Variants in SLC35F1 observed in about 807,000 individuals in gnomAD.
SLC35F1 encodes chromosome 6 open reading frame 169.
In SLC35F1, 14 loss-of-function variants were observed where a neutral mutation model predicts 48.7. The ratio of observed to expected loss-of-function variants is 0.29; its 90% CI spans 0.19 to 0.45. The LOEUF (loss-of-function observed/expected upper bound fraction) is 0.45, where lower values mean the gene tolerates loss of function less well. Among genes scored for constraint, SLC35F1 ranks in the 20% least tolerant of loss-of-function variants. The pLI, the probability that SLC35F1 is intolerant of heterozygous loss-of-function variation, is 1.00. For missense variants in SLC35F1, 404 were observed against 500.0 expected (o/e 0.81, Z 1.83); for synonymous variants, 190 against 202.2 (o/e 0.94, Z 0.51).
At chr6:118,256,261 G>A (rs1224686817) in intron 3 of SLC35F1, among the ~76,000 whole-genome samples, 2 of 146,134 alleles carry the variant, frequency 1.4e-5, no homozygotes, top group Admixed American at 6.9e-5. Context: ...TGTGACTGAA[G>A]TTTGTCCTTT....
intron 3 of SLC35F1, among the ~76,000 whole-genome samples, chr6:118,245,007 C>T (rs988783002): frequency 3.9e-5 from 6 of 152,172 alleles, no homozygotes; most frequent in African/African-American, 1.4e-4. Context: ...GTATGGAACA[C>T]TAAACACCTT....
At chr6:118,052,146 T>C (rs562652211) in intron 1 of SLC35F1, among the ~76,000 whole-genome samples, 1 of 152,220 alleles carries the variant, frequency 6.6e-6, no homozygotes, top group African/African-American at 2.4e-5. Context: ...CAACTCCAGA[T>C]ATGATGGTCA....
chr6:117,996,106 T>C (rs1309448799), intron 1 of SLC35F1, among the ~76,000 whole-genome samples: 1 of 152,210 alleles, frequency 6.6e-6, no homozygotes, highest in African/African-American at 2.4e-5. Context: ...TAAATAATTG[T>C]CTATTTAATA....
chr6:118,191,118 G>C (rs929629585), intron 2 of SLC35F1, among the ~76,000 whole-genome samples: 2 of 152,134 alleles, frequency 1.3e-5, no homozygotes, highest in African/African-American at 2.4e-5. Context: ...AGGCCTCCTG[G>C]AAGTGTTCTC....
intron 2 of SLC35F1, among the ~76,000 whole-genome samples, chr6:118,176,870 G>A (rs992385661): frequency 6.9e-6 from 1 of 145,514 alleles, no homozygotes; most frequent in Non-Finnish European, 1.5e-5. Context: ...GTTTAAATTT[G>A]TGCTTGTTTT....
At chr6:117,984,082 A>C (rs894947745) in intron 1 of SLC35F1, among the ~76,000 whole-genome samples, 3 of 151,890 alleles carry the variant, frequency 2.0e-5, no homozygotes, top group Admixed American at 2.0e-4. Flanking sequence ...CTTTGAAAAA[A>C]CTCCTTATAT....
intron 1 of SLC35F1, among the ~76,000 whole-genome samples, chr6:117,954,199 A>G (rs1322733795): frequency 6.6e-6 from 1 of 152,234 alleles, no homozygotes; most frequent in African/African-American, 2.4e-5. Context: ...TTGAACAACC[A>G]TCAGTGTAAT....
intron 4 of SLC35F1, among the ~76,000 whole-genome samples, chr6:118,271,927 C>G (rs986535903): frequency 1.3e-5 from 2 of 152,042 alleles, no homozygotes; most frequent in Non-Finnish European, 2.9e-5. Context: ...CTCACAGTAA[C>G]CTAATTTTAA....
chr6:118,250,225 T>A (rs1470033636), intron 3 of SLC35F1, among the ~76,000 whole-genome samples: 20 of 152,180 alleles, frequency 1.3e-4, no homozygotes, highest in Admixed American at 1.3e-3. Context: ...CCTGTTTAAT[T>A]TTTCTCCATA....
At chr6:118,290,798 A>T (rs192696579) in intron 7 of SLC35F1, among the ~76,000 whole-genome samples, 3 of 142,414 alleles carry the variant, frequency 2.1e-5, no homozygotes, top group South Asian at 2.3e-4. Context: ...AAAATCGACT[A>T]TTTTTTTTTT....
rs533670360 is a variant in SLC35F1, at chr6:117,959,464, C to G, written c.173+51565C>G. Among the ~76,000 whole-genome samples, 4 of 152,258 alleles carry G rather than the reference C, an allele frequency of 2.6e-5. No individual in the cohort carries two copies. In the South Asian group the frequency reaches 8.3e-4, roughly 32 times the overall value. ...GACATTTCAGTAACAAAATCTCTGT[C>G]TGTAGGGCCAGAGGCAAAGTTTCCC... On this transcript the variant is annotated intron_variant, in intron 1 of 7. Transcript: ENST00000360388.
chr6:118,179,863 C>T (rs1362743708), intron 2 of SLC35F1, among the ~76,000 whole-genome samples: 4 of 152,032 alleles, frequency 2.6e-5, no homozygotes, highest in East Asian at 3.9e-4. Context: ...GACTGCTGCT[C>T]GTAGTGTTCT....
chr6:118,021,023 G>A (rs1344245341), intron 1 of SLC35F1, among the ~76,000 whole-genome samples: 2 of 152,094 alleles, frequency 1.3e-5, no homozygotes, highest in African/African-American at 4.8e-5. Context: ...TTTACATGGG[G>A]ACATAATTAA....
intron 2 of SLC35F1, among the ~76,000 whole-genome samples, chr6:118,157,166 A>G (rs551897368): frequency 6.6e-6 from 1 of 152,108 alleles, no homozygotes; most frequent in Non-Finnish European, 1.5e-5. Context: ...GATATAGGAG[A>G]GCAAGGAGTA....
intron 1 of SLC35F1, among the ~76,000 whole-genome samples, chr6:117,938,632 T>G (rs1776189849): frequency 6.6e-6 from 1 of 152,146 alleles, no homozygotes; most frequent in East Asian, 1.9e-4. Flanking sequence ...GGCCATCTCT[T>G]GGGAAGTGGG....
intron 1 of SLC35F1, among the ~76,000 whole-genome samples, chr6:117,914,211 A>T (rs1775800339): frequency 6.6e-6 from 1 of 151,754 alleles, no homozygotes; most frequent in South Asian, 2.1e-4. Context: ...ATTAATTTAA[A>T]TTCTAAACTT....
intron 1 of SLC35F1, among the ~76,000 whole-genome samples, chr6:117,908,783 A>T (rs1296973879): frequency 6.6e-6 from 1 of 152,190 alleles, no homozygotes; most frequent in Non-Finnish European, 1.5e-5. Flanking sequence ...AAAAAATTGT[A>T]TAGGGAATGG....
chr6:118,044,270 A>G (rs1052712761), intron 1 of SLC35F1, among the ~76,000 whole-genome samples: 1 of 152,104 alleles, frequency 6.6e-6, no homozygotes, highest in African/African-American at 2.4e-5. Flanking sequence ...CTCTTCTATC[A>G]CACTGGAGTT....
chr6:118,221,841 T>C (rs926797321), intron 2 of SLC35F1, among the ~76,000 whole-genome samples: 6 of 152,216 alleles, frequency 3.9e-5, no homozygotes, highest in Non-Finnish European at 7.3e-5. Flanking sequence ...CTATTTCAAA[T>C]GTGTGTTTTT....
Sources: allele counts gnomAD v4.1 joint callset (sites outside exome capture counted in the v4.1 genomes callset), GRCh38; gene constraint gnomAD v4.1.1; transcripts MANE v1.5; gene names NCBI Gene and HGNC (gene_info 2026-07-23, HGNC 2026-07-21).